Variants in PALM2AKAP2 observed in about 807,000 individuals in gnomAD.
The protein encoded by PALM2AKAP2 is PALM2-AKAP2 fusion protein.
PALM2AKAP2 carries 37 observed loss-of-function variants against 71.5 expected under a neutral mutation model. That is an observed-to-expected ratio of 0.52 (90% confidence interval 0.40 to 0.68). The LOEUF is 0.68. PALM2AKAP2 is among the 30% of genes least tolerant of loss of function. PALM2AKAP2 has a pLI of 0.00. For missense variants in PALM2AKAP2, 1,224 were observed against 1,191.8 expected, an observed-to-expected ratio of 1.03 and a Z score of -0.40; for synonymous variants, 468 against 478.8, an observed-to-expected ratio of 0.98 and a Z score of 0.29.
chr9:110,124,205 G>A (rs932497287), intron 1 of PALM2AKAP2, among the ~76,000 whole-genome samples: 1 of 152,158 alleles, frequency 6.6e-6, no homozygotes, highest in African/African-American at 2.4e-5. Context: ...CTTGACTCGT[G>A]TGCTTGGGAG....
At chr9:109,663,199 T>C (rs1827427364) in intron 1 of PALM2AKAP2, among the ~76,000 whole-genome samples, 1 of 152,230 alleles carries the variant, frequency 6.6e-6, no homozygotes, top group Non-Finnish European at 1.5e-5. Context: ...TCAGTTCTGC[T>C]CTGATCTTAG....
At chr9:109,956,450 AT>A (rs1831749919) in intron 6 of PALM2AKAP2, among the ~76,000 whole-genome samples, 1 of 152,230 alleles carries the variant, frequency 6.6e-6, no homozygotes, top group South Asian at 2.1e-4. Flanking sequence ...TGAAAGTGAG[AT>A]AAATTCTGCA....
At chr9:109,823,515 A>T (rs1369476611) in intron 1 of PALM2AKAP2, among the ~76,000 whole-genome samples, 1 of 152,198 alleles carries the variant, frequency 6.6e-6, no homozygotes, top group Admixed American at 6.5e-5. Flanking sequence ...GGACCACTTT[A>T]TGGGAGGGGG....
intron 1 of PALM2AKAP2, among the ~76,000 whole-genome samples, chr9:109,709,508 A>C (rs1033281567): frequency 1.3e-5 from 2 of 152,186 alleles, no homozygotes; most frequent in African/African-American, 4.8e-5. Flanking sequence ...TGCCAAGTCA[A>C]GCCTGTGCCC....
At chr9:110,137,594 G>A (rs1354999680) in exon 2 of PALM2AKAP2, 2 of 1,614,026 alleles carry the variant, frequency 1.2e-6, no homozygotes, top group Non-Finnish European at 1.7e-6. Context: ...TGATGACCAT[G>A]GGATTTTGGA....
chr9:109,972,349 G>T (rs1248049031), intron 6 of PALM2AKAP2, among the ~76,000 whole-genome samples: 1 of 152,214 alleles, frequency 6.6e-6, no homozygotes, highest in African/African-American at 2.4e-5. Context: ...ATTCTTTGGG[G>T]AACCTGCTGA....
intron 1 of PALM2AKAP2, among the ~76,000 whole-genome samples, chr9:110,093,782 C>G (rs927862582): frequency 2.0e-5 from 3 of 152,188 alleles, no homozygotes; most frequent in African/African-American, 7.2e-5. Context: ...CTCTCCTCTG[C>G]CTGGAATCCC....
At chr9:109,770,934 C>T (rs1829251907) in intron 1 of PALM2AKAP2, among the ~76,000 whole-genome samples, 1 of 152,124 alleles carries the variant, frequency 6.6e-6, no homozygotes, top group Admixed American at 6.5e-5. Context: ...ATTGTATTTC[C>T]CATTTTACAG....
chr9:109,679,051 C>G (rs565003702), intron 1 of PALM2AKAP2, among the ~76,000 whole-genome samples: 2 of 152,256 alleles, frequency 1.3e-5, no homozygotes, highest in South Asian at 4.2e-4. Context: ...GCACCAAAAG[C>G]TTTGCCTCTG....
chr9:109,812,041 T>C (rs1827739440), intron 1 of PALM2AKAP2, among the ~76,000 whole-genome samples: 1 of 152,226 alleles, frequency 6.6e-6, no homozygotes, highest in Admixed American at 6.5e-5. Flanking sequence ...CTGGTGCCAC[T>C]GGCTAACAGA....
intron 1 of PALM2AKAP2, among the ~76,000 whole-genome samples, chr9:109,693,579 T>C (rs1214160616): frequency 6.6e-6 from 1 of 152,030 alleles, no homozygotes; most frequent in East Asian, 1.9e-4. Flanking sequence ...AATATTGATA[T>C]TCTACACTAT....
intron 1 of PALM2AKAP2, among the ~76,000 whole-genome samples, chr9:109,855,087 T>G (rs1829127423): frequency 6.8e-6 from 1 of 147,116 alleles, no homozygotes. Flanking sequence ...TTTTTTGGGG[T>G]GGGGGAAACA....
At chr9:109,906,142 C>T (rs2131870668) in intron 3 of PALM2AKAP2, among the ~76,000 whole-genome samples, 1 of 152,276 alleles carries the variant, frequency 6.6e-6, no homozygotes, top group East Asian at 1.9e-4. Context: ...CTCCCACCAA[C>T]CCCAGCCAAT....
intron 1 of PALM2AKAP2, among the ~76,000 whole-genome samples, chr9:109,706,381 A>T (rs1828144893): frequency 6.6e-6 from 1 of 152,200 alleles, no homozygotes; most frequent in Non-Finnish European, 1.5e-5. Context: ...ACTACAATGG[A>T]TATTATGAAA....
chr9:109,685,912 C>G (rs1827799958), intron 1 of PALM2AKAP2, among the ~76,000 whole-genome samples: 1 of 152,100 alleles, frequency 6.6e-6, no homozygotes, highest in African/African-American at 2.4e-5. Flanking sequence ...TTCTCAAACC[C>G]TGCCTTGTAA....
At chr9:109,968,656 C>T (rs998219248) in intron 6 of PALM2AKAP2, among the ~76,000 whole-genome samples, 2 of 152,130 alleles carry the variant, frequency 1.3e-5, no homozygotes, top group African/African-American at 4.8e-5. Flanking sequence ...TACCCAGCTC[C>T]CAGTCCCCCA....
chr9:109,679,126 A>G (rs1827690006), intron 1 of PALM2AKAP2, among the ~76,000 whole-genome samples: 1 of 152,214 alleles, frequency 6.6e-6, no homozygotes, highest in Admixed American at 6.5e-5. Context: ...GCTGCTTCTC[A>G]TGAGTTTTCC....
At chr9:110,035,324 T>TATATATATATACATATA (rs1833367663) in intron 7 of PALM2AKAP2, among the ~76,000 whole-genome samples, 1 of 142,120 alleles carries the variant, frequency 7.0e-6, no homozygotes, top group Non-Finnish European at 1.5e-5. Flanking sequence ...ACATATGTAT[T>TATATATATATACATATA]ATATGTATAA....
At chr9:110,148,990 G>T (rs1309971737) in intron 2 of PALM2AKAP2, among the ~76,000 whole-genome samples, 1 of 152,166 alleles carries the variant, frequency 6.6e-6, no homozygotes, top group Non-Finnish European at 1.5e-5. Flanking sequence ...CTTTTCTCGG[G>T]TTCTTTGGGT....
Sources: gnomAD v4.1 joint callset for allele counts (sites outside exome capture counted in the v4.1 genomes callset) on GRCh38, gnomAD v4.1.1 for gene constraint, MANE v1.5 for transcripts, NCBI Gene and HGNC (gene_info 2026-07-23, HGNC 2026-07-21) for gene names.